The following B9D1 variants were observed in gnomAD, a reference collection of about 807,000 sequenced individuals.
B9D1 encodes the protein B9 domain-containing protein 1.
B9D1 carries 20 observed loss-of-function variants against 26.1 expected under a neutral mutation model. The observed-to-expected ratio is 0.77, with a 90% CI of 0.54 to 1.12. B9D1 has a LOEUF of 1.12. B9D1 is among the 50% of genes most tolerant of loss of function. The probability of loss-of-function intolerance (pLI) is 0.00; values close to 1 mark genes in which losing one functional copy is unlikely to be tolerated. For missense variants in B9D1, 260 were observed against 273.7 expected (o/e 0.95, Z 0.35); for synonymous variants, 105 against 103.1 (o/e 1.02, Z -0.11).
At chr17:19,343,516 G>A (rs1461756985) in intron 6 of B9D1, 55 bp from the exon 7 acceptor site, 1 of 1,611,812 alleles carries the variant, frequency 6.2e-7, no homozygotes, top group Non-Finnish European at 8.5e-7. Context: ...GAGAGACCCA[G>A]GTTGATCTGG....
downstream of B9D1, among the ~76,000 whole-genome samples, chr17:19,340,178 C>G (rs1447299036): frequency 6.6e-6 from 1 of 152,044 alleles, no homozygotes; most frequent in East Asian, 2.0e-4. Context: ...CTGGGTTGTG[C>G]ATTCTTTTTT....
intron 3 of B9D1, among the ~76,000 whole-genome samples, chr17:19,356,859 C>T (rs1043847213): frequency 3.3e-5 from 5 of 152,168 alleles, no homozygotes; most frequent in African/African-American, 7.2e-5. Flanking sequence ...TACCTGTCCT[C>T]GGCAGGAGGA....
chr17:19,355,517 C>CT (rs1236596069), intron 3 of B9D1, among the ~76,000 whole-genome samples: 1 of 133,606 alleles, frequency 7.5e-6, no homozygotes, highest in Admixed American at 8.2e-5. Context: ...GAGCAAGACT[C>CT]TGTCTGCAAT....
chr17:19,350,668 A>G (rs4924783), intron 3 of B9D1, among the ~76,000 whole-genome samples: 84,116 of 151,986 alleles, frequency 0.55, 29,833 homozygotes, highest in Non-Finnish European at 0.79. Context: ...TTGCAGAAAA[A>G]ATCTTTCAAC....
downstream of B9D1, among the ~76,000 whole-genome samples, chr17:19,340,104 C>T (rs1907797325): frequency 6.8e-6 from 1 of 146,788 alleles, no homozygotes; most frequent in Non-Finnish European, 1.5e-5. Context: ...TCATCTCTTA[C>T]CTTGACTGGG....
chr17:19,343,628 A>G (rs1256734920), intron 6 of B9D1, 162 bp downstream of exon 6: 1 of 1,578,088 alleles, frequency 6.3e-7, no homozygotes, highest in Non-Finnish European at 8.6e-7. Context: ...GGCAGACATG[A>G]CAAACCCTCT....
rs1191806349 is a variant in B9D1, at chr17:19,343,830, G to C, written c.432C>G (p.Tyr144Ter). 1 of 1,613,976 alleles carries C rather than the reference G, an allele frequency of 6.2e-7. No individual in the cohort carries two copies. The highest frequency in any genetic ancestry group is 1.3e-5 in the African/African-American group (1 of 74,916). The change falls in exon 6 of 7, where the codon TAC (tyrosine) becomes TAG (stop). Residue 144 changes from tyrosine to a stop codon, truncating the protein, a stop_gained. Coordinates refer to ENST00000261499, the MANE Select transcript of B9D1 (RefSeq NM_015681.6). LOFTEE classifies it high-confidence loss of function. ...TSWFMGRRPE[Y>*]TDPKVVAQGE... ...CCTGAGCCACCACCTTGGGGTCTGT[G>C]TACTCGGGCCGCCGCCCCATGAACC...
intron 3 of B9D1, 120 bp downstream of exon 3, chr17:19,357,720 T>C (rs181676512): frequency 2.5e-6 from 2 of 789,480 alleles, no homozygotes; most frequent in African/African-American, 3.4e-5. Context: ...GAGGGCTGCT[T>C]CAAGAGCCCA....
intron 5 of B9D1, chr17:19,344,724 C>T (rs1303564869): frequency 6.2e-6 from 1 of 162,344 alleles, no homozygotes; most frequent in East Asian, 1.9e-4. Context: ...GCCTCTCCGT[C>T]TCTGAGGTGG....
At chr17:19,377,195 A>G in intron 1 of B9D1, among the ~76,000 whole-genome samples, 1 of 152,202 alleles carries the variant, frequency 6.6e-6, no homozygotes, top group African/African-American at 2.4e-5. Flanking sequence ...TGGCAAAATA[A>G]ACTTTCTAAA....
At chr17:19,338,163 C>T (rs149147450), downstream of B9D1, among the ~76,000 whole-genome samples, 541 of 152,340 alleles carry the variant, frequency 3.6e-3, 1 homozygote, top group Middle Eastern at 0.014. Context: ...CAGTCCAGCT[C>T]CATTTGGAGG....
In B9D1 at chr17:19,348,154, T is replaced by C. The variant is rs944381101; in HGVS notation, c.245-274A>G. 2.0e-5 allele frequency among the ~76,000 whole-genome samples: 3 copies of C among 151,804 alleles called. No individual in the cohort carries two copies. The East Asian group carries it at 5.9e-4, about 30-fold the overall frequency. Reference sequence around the variant, plus strand: ...AGTCAGTGCCCACTCAGTCACTCCATGTACAAGGAGGCACTTCCAGAGGCC... The same window carrying C: ...AGTCAGTGCCCACTCAGTCACTCCACGTACAAGGAGGCACTTCCAGAGGCC... On this transcript the variant is annotated intron_variant, in intron 3 of 6. Coordinates refer to ENST00000261499, the MANE Select transcript of B9D1 (RefSeq NM_015681.6).
chr17:19,372,618 C>T lies in B9D1; in HGVS notation c.-298+5241G>A, dbSNP rs1214532740. Among the ~76,000 whole-genome samples, 1 of 152,216 alleles carries T rather than the reference C, an allele frequency of 6.6e-6. No homozygotes were observed. The highest frequency in any genetic ancestry group is 1.5e-5 in the Non-Finnish European group (1 of 68,046). ...GCTCCCCAGGGCCGGCCCCCCATCT[C>T]GGTGCCTGTCACAGATTTCCCTCAT... On this transcript the variant is annotated intron_variant, in intron 1 of 5. Coordinates refer to the B9D1 transcript ENST00000477478. This position sits in a 1 kb window ranked among gnomAD's most constrained non-coding sequence, Gnocchi z 4.4.
At chr17:19,352,660 T>G (rs1302114380) in intron 3 of B9D1, among the ~76,000 whole-genome samples, 1 of 152,006 alleles carries the variant, frequency 6.6e-6, no homozygotes, top group East Asian at 1.9e-4. Flanking sequence ...TAGCTGGAAT[T>G]ACAGGTACGT....
downstream of B9D1, among the ~76,000 whole-genome samples, chr17:19,339,767 C>T (rs926208233): frequency 3.9e-5 from 6 of 152,146 alleles, no homozygotes; most frequent in South Asian, 2.1e-4. Flanking sequence ...TGGACAAGAA[C>T]GAGAAGTGCT....
upstream of B9D1, among the ~76,000 whole-genome samples, chr17:19,365,755 C>T (rs1411046542): frequency 1.3e-5 from 2 of 152,132 alleles, no homozygotes; most frequent in Admixed American, 6.5e-5. The surrounding 1 kb of genome is among the most constrained non-coding windows in gnomAD (Gnocchi z 5.0). Flanking sequence ...TTTAACCTCT[C>T]GGAGCCTCGG....
intron 1 of B9D1, chr17:19,371,431 T>G (rs914933321): frequency 1.3e-5 from 2 of 152,210 alleles, no homozygotes; most frequent in African/African-American, 2.4e-5. Context: ...CGAGATTCCT[T>G]CCTGCAGGAC....
exon 1 of B9D1, chr17:19,377,911 G>A (rs1374333787): frequency 2.0e-6 from 2 of 985,300 alleles, no homozygotes; most frequent in Non-Finnish European, 1.2e-6. Context: ...AAGCTGCGGA[G>A]AGGCTCAGCC....
intron 3 of B9D1, among the ~76,000 whole-genome samples, chr17:19,348,789 T>G (rs1266483855): frequency 6.6e-6 from 1 of 152,260 alleles, no homozygotes; most frequent in Non-Finnish European, 1.5e-5. Flanking sequence ...TTTATTTTTG[T>G]GCCCAGACTC....
Sources: gnomAD v4.1 joint callset for allele counts (sites outside exome capture counted in the v4.1 genomes callset) on GRCh38, gnomAD v4.1.1 for gene constraint, Gnocchi (gnomAD v3.1) non-coding constraint, MANE v1.5 for transcripts, NCBI Gene and HGNC (gene_info 2026-07-23, HGNC 2026-07-21) for gene names.